Variants in RFX3 observed in about 807,000 individuals in gnomAD.
The protein encoded by RFX3 is transcription factor RFX3.
Under a neutral mutation model 98.6 loss-of-function variants are expected in RFX3, and 14 were observed. The ratio of observed to expected loss-of-function variants is 0.14; its 90% CI spans 0.09 to 0.22. RFX3 has a LOEUF of 0.22. Ranked by LOEUF, RFX3 falls within the 10% of genes least tolerant of loss-of-function variation. The probability of loss-of-function intolerance (pLI) is 1.00; values close to 1 mark genes in which losing one functional copy is unlikely to be tolerated. For synonymous variants in RFX3, 383 were observed against 328.4 expected (o/e 1.17, Z -1.80); for missense variants, 639 against 926.9 (o/e 0.69, Z 4.03).
intron 1 of RFX3, among the ~76,000 whole-genome samples, chr9:3,416,443 T>G (rs554225594): frequency 6.6e-6 from 1 of 152,200 alleles, no homozygotes; most frequent in African/African-American, 2.4e-5. Flanking sequence ...CACTTTAAAC[T>G]GATCCTCAGT....
At chr9:3,290,514 A>G (rs1215617626) in intron 6 of RFX3, among the ~76,000 whole-genome samples, 1 of 152,196 alleles carries the variant, frequency 6.6e-6, no homozygotes, top group African/African-American at 2.4e-5. Context: ...ATGCATAACT[A>G]CAGAGCCACC....
intron 1 of RFX3, among the ~76,000 whole-genome samples, chr9:3,500,714 C>T (rs990478212): frequency 7.2e-5 from 11 of 152,108 alleles, no homozygotes; most frequent in Admixed American, 2.6e-4. Flanking sequence ...TTCAAACACA[C>T]GCACTACACA....
intron 4 of RFX3, among the ~76,000 whole-genome samples, chr9:3,329,193 G>C (rs1399474273): frequency 4.0e-5 from 6 of 151,834 alleles, no homozygotes; most frequent in Admixed American, 1.3e-4. Flanking sequence ...GGTTACCGAA[G>C]GTCAGGAGTT....
intron 2 of RFX3, among the ~76,000 whole-genome samples, chr9:3,394,104 G>A (rs1840603483): frequency 6.6e-6 from 1 of 152,138 alleles, no homozygotes; most frequent in Non-Finnish European, 1.5e-5. Context: ...TAGCTTGAGG[G>A]ATGGGAAAGT....
At chr9:3,378,588 C>G (rs1007816979) in intron 2 of RFX3, among the ~76,000 whole-genome samples, 1 of 132,308 alleles carries the variant, frequency 7.6e-6, no homozygotes, top group Non-Finnish European at 1.6e-5. Flanking sequence ...TGGAGTTTCA[C>G]TCTTGTCACC....
chr9:3,346,438 G>T (rs1322273612), intron 3 of RFX3, among the ~76,000 whole-genome samples: 1 of 152,102 alleles, frequency 6.6e-6, no homozygotes, highest in African/African-American at 2.4e-5. Flanking sequence ...AAGGGCATAA[G>T]ACTTTAAATA....
At chr9:3,362,967 C>T (rs11999619) in intron 2 of RFX3, among the ~76,000 whole-genome samples, 4,151 of 152,248 alleles carry the variant, frequency 0.027, 195 homozygotes, top group African/African-American at 0.096. Flanking sequence ...ACATAAAATA[C>T]ATAAACCTAT....
At chr9:3,500,207 G>A (rs1266020568) in intron 1 of RFX3, among the ~76,000 whole-genome samples, 2 of 152,154 alleles carry the variant, frequency 1.3e-5, no homozygotes, top group African/African-American at 4.8e-5. Flanking sequence ...AACTGAGGAT[G>A]AAGCAAGAAG....
At chr9:3,269,009 A>C (rs1824023996) in intron 11 of RFX3, among the ~76,000 whole-genome samples, 1 of 151,994 alleles carries the variant, frequency 6.6e-6, no homozygotes, top group African/African-American at 2.4e-5. Flanking sequence ...GGAGCAAGAG[A>C]AAAACAAGGA....
intron 4 of RFX3, among the ~76,000 whole-genome samples, chr9:3,320,179 A>G (rs1284659124): frequency 6.6e-6 from 1 of 152,210 alleles, no homozygotes; most frequent in African/African-American, 2.4e-5. Context: ...TTTAAAAATA[A>G]CAAGTGACTT....
At chr9:3,268,216 T>C (rs1428917266) in intron 11 of RFX3, among the ~76,000 whole-genome samples, 1 of 151,808 alleles carries the variant, frequency 6.6e-6, no homozygotes, top group African/African-American at 2.4e-5. Context: ...ATTAGTGTGA[T>C]GTGCAGAATT....
chr9:3,521,263 G>A (rs1818682803), intron 1 of RFX3, among the ~76,000 whole-genome samples: 1 of 152,174 alleles, frequency 6.6e-6, no homozygotes, highest in Middle Eastern at 3.4e-3. Flanking sequence ...TATGCCTATA[G>A]GACTAATGCC....
At chr9:3,523,541 T>C (rs35237880) in intron 1 of RFX3, among the ~76,000 whole-genome samples, 3,320 of 152,268 alleles carry the variant, frequency 0.022, 51 homozygotes, top group Non-Finnish European at 0.035. Flanking sequence ...AAACCTGAGC[T>C]ATACATGAGT....
intron 3 of RFX3, among the ~76,000 whole-genome samples, chr9:3,334,600 T>TA (rs910868881): frequency 6.6e-6 from 1 of 151,954 alleles, no homozygotes; most frequent in African/African-American, 2.4e-5. Context: ...GCCTAATCCA[T>TA]AAACTATCCC....
chr9:3,293,500 G>C (rs151017063), intron 5 of RFX3, among the ~76,000 whole-genome samples: 1 of 152,092 alleles, frequency 6.6e-6, no homozygotes, highest in Non-Finnish European at 1.5e-5. Flanking sequence ...TCAAGCACAC[G>C]TAGAGACATA....
At chr9:3,395,211 C>T (rs933675113) in intron 2 of RFX3, among the ~76,000 whole-genome samples, 1 of 152,154 alleles carries the variant, frequency 6.6e-6, no homozygotes, top group Non-Finnish European at 1.5e-5. Context: ...GAAAAAATAA[C>T]TTGCTTTAGG....
intron 1 of RFX3, chr9:3,421,000 A>G: frequency 1.4e-6 from 1 of 710,254 alleles, no homozygotes; most frequent in Non-Finnish European, 1.7e-6. Context: ...TCTCAGAGAT[A>G]AATATTTCTA....
At chr9:3,508,035 C>T (rs10814188) in intron 1 of RFX3, among the ~76,000 whole-genome samples, 30,298 of 151,690 alleles carry the variant, frequency 0.2, 5,206 homozygotes, top group East Asian at 0.57. Flanking sequence ...ACGACTCTGA[C>T]GAAGAGGCAA....
intron 1 of RFX3, among the ~76,000 whole-genome samples, chr9:3,505,793 C>A (rs955208130): frequency 6.7e-6 from 1 of 148,976 alleles, no homozygotes; most frequent in African/African-American, 2.5e-5. Context: ...TACCCCCCTG[C>A]TTCTCACATT....
Sources: gnomAD v4.1 joint callset for allele counts (sites outside exome capture counted in the v4.1 genomes callset) on GRCh38, gnomAD v4.1.1 for gene constraint, MANE v1.5 for transcripts, NCBI Gene and HGNC (gene_info 2026-07-23, HGNC 2026-07-21) for gene names.